The following CAPG variants were observed in gnomAD, a reference collection of about 807,000 sequenced individuals.
The protein encoded by CAPG is capping actin protein, gelsolin like.
A neutral mutation model predicts 44.6 loss-of-function variants in CAPG; 32 were observed. The observed-to-expected ratio is 0.72, with a 90% CI of 0.54 to 0.96. The LOEUF (loss-of-function observed/expected upper bound fraction) is 0.96. CAPG is among the 50% of genes least tolerant of loss of function. The pLI, the probability that CAPG is intolerant of heterozygous loss-of-function variation, is 0.00. For missense variants in CAPG, 412 were observed against 438.3 expected (o/e 0.94, Z 0.54); for synonymous variants, 175 against 179.6 (o/e 0.97, Z 0.20).
At chr2:85,402,520 G>A (rs1302938694) in intron 1 of CAPG, among the ~76,000 whole-genome samples, 1 of 152,066 alleles carries the variant, frequency 6.6e-6, no homozygotes, top group Non-Finnish European at 1.5e-5. Context: ...AGGCTGGAGT[G>A]CAGTGGTGCG....
intron 6 of CAPG, 66 bp downstream of exon 6, chr2:85,399,070 C>G: frequency 6.5e-7 from 1 of 1,549,956 alleles, no homozygotes; most frequent in Non-Finnish European, 8.9e-7. Context: ...GCCCTCAGCT[C>G]ATCACCACCT....
chr2:85,401,515 A>T lies in CAPG; in HGVS notation c.351+14T>A, dbSNP rs201082741. ...GAAGCTGCAGGGTGGGGGTGCCTAG[A>T]GGTGGGCTCTGACCTGGTACTTGAG... On this transcript the variant is annotated intron_variant, in intron 4 of 9. Transcript: ENST00000263867. 469 of 1,613,524 alleles carry T rather than the reference A, an allele frequency of 2.9e-4. 2 individuals are homozygous for T. In the African/African-American group the frequency reaches 5.7e-3, roughly 20 times the overall value.
In CAPG at chr2:85,399,208, C is replaced by A; in HGVS notation, c.594G>T (p.Arg198=). The A allele has an allele frequency of 6.2e-7, 1 of 1,614,250 alleles. No individual in the cohort carries two copies. Among genetic ancestry groups the A allele is most frequent in the Non-Finnish European group, 8.5e-7 (1 of 1,180,032 alleles). The change falls in exon 6 of 10, where the codon CGG becomes CGT. Residue 198 remains arginine (R), a synonymous_variant. Transcript: ENST00000263867. ...NKARDLALAI[R]DSERQGKAQV... is the part of the protein sequence containing the mutation. ...GGGCCTTGCCCTGTCGCTCACTGTC[C>A]CGGATGGCCAGGGCCAGGTCCCTCG... is the stretch of plus-strand genomic sequence containing the variant.
intron 1 of CAPG, among the ~76,000 whole-genome samples, chr2:85,404,561 C>T (rs1261660740): frequency 2.0e-5 from 3 of 152,084 alleles, no homozygotes; most frequent in Middle Eastern, 3.4e-3. Context: ...CCAGCCTGGC[C>T]AACATGGTGA....
At chr2:85,418,603 TACAC>T (rs1412908373), upstream of CAPG, 3 of 150,014 alleles carry the variant, frequency 2.0e-5, no homozygotes, top group Non-Finnish European at 4.4e-5. Context: ...CGGACACACT[TACAC>T]ACACAGTCTC....
intron 1 of CAPG, among the ~76,000 whole-genome samples, chr2:85,408,373 CACACACAA>C (rs1243393948): frequency 6.6e-6 from 1 of 150,614 alleles, no homozygotes; most frequent in African/African-American, 2.5e-5. Context: ...CACACACACA[CACACACAA>C]GCCCCCTTAT....
In CAPG at chr2:85,395,968, A is replaced by G. The variant is rs1021576929; in HGVS notation, c.893-342T>C. 1.9e-5 allele frequency: 5 copies of G among 266,900 alleles called. No individual in the cohort carries two copies. Among genetic ancestry groups the G allele is most frequent in the African/African-American group, 1.1e-4 (5 of 45,770 alleles). 16.5% of individuals were successfully genotyped at this position (266,900 alleles called of 1,614,324 possible). On this transcript the variant is annotated intron_variant, in intron 8 of 9. Transcript: ENST00000263867. This position sits in a 1 kb window ranked among gnomAD's most constrained non-coding sequence, Gnocchi z 4.3. ...GAGGCCGCAGGTCTCCTTTTCCTCT[A>G]GGACCCCTCACCTCTTGAATTCATC...
At chr2:85,396,362 GT>G (rs34371148) in intron 8 of CAPG, among the ~76,000 whole-genome samples, 39,522 of 148,452 alleles carry the variant, frequency 0.27, 5,814 homozygotes, top group African/African-American at 0.38. Context: ...ATTTTGGGGG[GT>G]TTTTTTTTTG....
chr2:85,399,184 G>C lies in CAPG; in HGVS notation c.618C>G (p.Ala206=). The part of the protein sequence containing the change: ...AIRDSERQGK[A]QVEIVTDGEE... Reference sequence around the variant, plus strand: ...CCCCATCAGTGACAATCTCCACCTGGGCCTTGCCCTGTCGCTCACTGTCCC... The same window carrying C: ...CCCCATCAGTGACAATCTCCACCTGCGCCTTGCCCTGTCGCTCACTGTCCC... The change falls in exon 6 of 10, where the codon GCC becomes GCG. Residue 206 remains alanine (A), a synonymous_variant. Coordinates refer to ENST00000263867, the MANE Select transcript of CAPG (RefSeq NM_001747.4). 1 of 1,614,210 alleles carries C rather than the reference G, an allele frequency of 6.2e-7. No homozygotes were observed. Among genetic ancestry groups the C allele is most frequent in the Non-Finnish European group, 8.5e-7 (1 of 1,180,026 alleles).
Position 85,398,683 on chromosome 2 carries a change from G to A in CAPG, c.759+7C>T, listed in dbSNP as rs1210261660. On this transcript the variant is annotated splice_region_variant and intron_variant, in intron 7 of 9. Coordinates refer to ENST00000263867, the MANE Select transcript of CAPG (RefSeq NM_001747.4). The stretch of plus-strand genomic sequence containing the variant: ...GCCGGGTCCCAGGGCAGGCTTGGGG[G>A]GCCCACCTTATACAGAGCTGCGGCC... 8 of 1,593,614 alleles carry A rather than the reference G, an allele frequency of 5.0e-6. No individual in the cohort carries two copies. Among genetic ancestry groups the A allele is most frequent in the Non-Finnish European group, 6.8e-6 (8 of 1,169,826 alleles).
At chr2:85,409,146 T>A (rs1001698721) in intron 1 of CAPG, among the ~76,000 whole-genome samples, 11 of 152,350 alleles carry the variant, frequency 7.2e-5, no homozygotes, top group South Asian at 6.2e-4. Context: ...TGGAACCTCA[T>A]GCAGGTGCTC....
At chr2:85,404,503 C>A (rs1687055160) in intron 1 of CAPG, among the ~76,000 whole-genome samples, 1 of 152,132 alleles carries the variant, frequency 6.6e-6, no homozygotes, top group South Asian at 2.1e-4. Flanking sequence ...GTAATTCCAG[C>A]ACTTTGGGAG....
At chr2:85,398,218 G>C in intron 7 of CAPG, 66 bp from the exon 8 acceptor site, 2 of 1,564,876 alleles carry the variant, frequency 1.3e-6, no homozygotes, top group Non-Finnish European at 1.7e-6. Context: ...GCCTGAGGAG[G>C]GGGAGGCTGG....
At chr2:85,414,260 C>A (rs544213743), upstream of CAPG, among the ~76,000 whole-genome samples, 18 of 152,324 alleles carry the variant, frequency 1.2e-4, no homozygotes, top group Non-Finnish European at 2.9e-5. Flanking sequence ...GGCCCCCGGC[C>A]TCAATCACCC....
At chr2:85,405,149 C>A (rs916417869) in intron 1 of CAPG, among the ~76,000 whole-genome samples, 1 of 152,076 alleles carries the variant, frequency 6.6e-6, no homozygotes, top group Non-Finnish European at 1.5e-5. Context: ...CCCAGCTTCC[C>A]TCAAATGCCA....
At chr2:85,402,045 G>A (rs1351337045) in intron 2 of CAPG, 78 bp downstream of exon 2, 3 of 1,608,500 alleles carry the variant, frequency 1.9e-6, no homozygotes, top group South Asian at 1.1e-5. Context: ...GTCTGGGGAT[G>A]AGGAGAGCAG....
intron 8 of CAPG, among the ~76,000 whole-genome samples, chr2:85,396,446 C>G (rs1166761172): frequency 3.3e-5 from 5 of 152,092 alleles, no homozygotes; most frequent in Admixed American, 2.6e-4. Flanking sequence ...CGAAACGATG[C>G]CGTGATGTGG....
intron 6 of CAPG, 120 bp from the exon 7 acceptor site, chr2:85,398,902 C>G: frequency 1.2e-6 from 1 of 863,390 alleles, no homozygotes; most frequent in Non-Finnish European, 1.8e-6. Flanking sequence ...GGGCACCCAG[C>G]AGAGGTGAGG....
chr2:85,395,741 A>C lies in CAPG; in HGVS notation c.893-115T>G. ...AGAAGAGCCAGCAATTTTTACAATA[A>C]ATGGACCAGGGGTCCCAAGAATGCC... On this transcript the variant is annotated intron_variant, in intron 8 of 9. Transcript: ENST00000263867. The surrounding 1 kb of genome is among the most constrained non-coding windows in gnomAD (Gnocchi z 4.3). The C allele has an allele frequency of 1.4e-6, 1 of 697,276 alleles. No homozygotes were observed. 43.2% of individuals were successfully genotyped at this position (697,276 alleles called of 1,614,324 possible).
Sources: allele counts gnomAD v4.1 joint callset (sites outside exome capture counted in the v4.1 genomes callset), GRCh38; gene constraint gnomAD v4.1.1; non-coding constraint Gnocchi (gnomAD v3.1); transcripts MANE v1.5; gene names NCBI Gene and HGNC (gene_info 2026-07-23, HGNC 2026-07-21).